The following SGCZ variants were observed in gnomAD, a reference collection of about 807,000 sequenced individuals.
SGCZ encodes sarcoglycan zeta, also known as zeta-sarcoglycan.
Under a neutral mutation model 41.3 loss-of-function variants are expected in SGCZ, and 40 were observed. The ratio of observed to expected loss-of-function variants is 0.97; its 90% CI spans 0.75 to 1.26. The LOEUF (loss-of-function observed/expected upper bound fraction) is 1.26. Among genes scored for constraint, SGCZ ranks in the 50% most tolerant of loss-of-function variants. The pLI is 0.00. For missense variants in SGCZ, 552 were observed against 369.8 expected, an observed-to-expected ratio of 1.49 and a Z score of -4.04; for synonymous variants, 206 against 137.5, an observed-to-expected ratio of 1.50 and a Z score of -3.49.
chr8:14,752,557 G>C (rs1455387798), intron 1 of SGCZ, among the ~76,000 whole-genome samples: 1 of 152,100 alleles, frequency 6.6e-6, no homozygotes, highest in African/African-American at 2.4e-5. Flanking sequence ...CTCTGTGACA[G>C]TACGCACTCT....
At chr8:14,296,187 C>A (rs141000094) in intron 3 of SGCZ, among the ~76,000 whole-genome samples, 98 of 152,216 alleles carry the variant, frequency 6.4e-4, no homozygotes, top group African/African-American at 2.3e-3. Flanking sequence ...GACTAACGTC[C>A]TGCAAAAACC....
intron 1 of SGCZ, among the ~76,000 whole-genome samples, chr8:14,734,979 G>C (rs906535169): frequency 2.0e-5 from 3 of 152,262 alleles, no homozygotes; most frequent in African/African-American, 7.2e-5. Context: ...TATCTATGTA[G>C]TGGAGTCTCA....
At chr8:14,892,025 G>A (rs1049982106) in intron 1 of SGCZ, among the ~76,000 whole-genome samples, 3 of 152,118 alleles carry the variant, frequency 2.0e-5, no homozygotes, top group Non-Finnish European at 2.9e-5. Context: ...CAACAAATTC[G>A]GGTGACTTGC....
chr8:14,828,847 A>G (rs752989178), intron 1 of SGCZ, among the ~76,000 whole-genome samples: 1 of 152,144 alleles, frequency 6.6e-6, no homozygotes, highest in Non-Finnish European at 1.5e-5. Context: ...TACCATAACA[A>G]TGCTTCCACT....
chr8:14,500,598 G>C (rs1374578607), intron 2 of SGCZ, among the ~76,000 whole-genome samples: 1 of 151,968 alleles, frequency 6.6e-6, no homozygotes, highest in African/African-American at 2.4e-5. Context: ...TGTGGGTATA[G>C]CTTACTCACT....
chr8:14,115,175 G>C (rs1299531788), intron 5 of SGCZ, among the ~76,000 whole-genome samples: 1 of 151,826 alleles, frequency 6.6e-6, no homozygotes. Flanking sequence ...TTGTTGTTTT[G>C]CCCTTTACTT....
intron 1 of SGCZ, among the ~76,000 whole-genome samples, chr8:14,823,204 G>A (rs1269115027): frequency 2.6e-5 from 4 of 151,882 alleles, no homozygotes; most frequent in African/African-American, 9.7e-5. Flanking sequence ...CAAAAGCACA[G>A]GTAACAAAAG....
chr8:15,074,925 C>T (rs17120846), intron 1 of SGCZ, among the ~76,000 whole-genome samples: 2,152 of 152,258 alleles, frequency 0.014, 54 homozygotes, highest in African/African-American at 0.046. Flanking sequence ...TGACCCTATC[C>T]CTTACTGCTA....
chr8:14,578,464 G>A (rs551797671), intron 1 of SGCZ, among the ~76,000 whole-genome samples: 1 of 152,212 alleles, frequency 6.6e-6, no homozygotes, highest in African/African-American at 2.4e-5. Flanking sequence ...CACATTTTCT[G>A]TGACCACATG....
intron 1 of SGCZ, among the ~76,000 whole-genome samples, chr8:14,883,806 A>G (rs547336953): frequency 2.0e-4 from 22 of 110,624 alleles, no homozygotes; most frequent in African/African-American, 7.8e-4. Flanking sequence ...TTCCAATAGT[A>G]CCCTTCTTCT....
intron 1 of SGCZ, among the ~76,000 whole-genome samples, chr8:15,169,899 G>C (rs1459996698): frequency 3.3e-5 from 5 of 152,112 alleles, no homozygotes; most frequent in African/African-American, 1.2e-4. Flanking sequence ...TAGGATTTAA[G>C]TATCTTAGTT....
chr8:15,202,732 A>G (rs1180815616), intron 1 of SGCZ, among the ~76,000 whole-genome samples: 5 of 152,212 alleles, frequency 3.3e-5, no homozygotes, highest in Non-Finnish European at 7.3e-5. Context: ...TTCTGAATTG[A>G]TAGTAGGAAC....
chr8:15,074,344 T>G (rs1178113350), intron 1 of SGCZ, among the ~76,000 whole-genome samples: 1 of 152,218 alleles, frequency 6.6e-6, no homozygotes, highest in African/African-American at 2.4e-5. Context: ...CTGGCTGTCG[T>G]GCAGCTGGCA....
At chr8:14,478,328 A>T (rs1201931994) in intron 2 of SGCZ, among the ~76,000 whole-genome samples, 1 of 152,360 alleles carries the variant, frequency 6.6e-6, no homozygotes, top group South Asian at 2.1e-4. Context: ...ACACACTCAG[A>T]TAATGAAATA....
At chr8:14,751,331 G>C (rs1799491930) in intron 1 of SGCZ, among the ~76,000 whole-genome samples, 1 of 152,132 alleles carries the variant, frequency 6.6e-6, no homozygotes, top group African/African-American at 2.4e-5. Flanking sequence ...AATGGAATCA[G>C]TGGTAGGATC....
intron 2 of SGCZ, among the ~76,000 whole-genome samples, chr8:14,344,445 A>G (rs1176516699): frequency 3.9e-5 from 6 of 152,130 alleles, no homozygotes; most frequent in African/African-American, 1.2e-4. Flanking sequence ...ACTATAGAAT[A>G]ACAACAATAA....
intron 7 of SGCZ, among the ~76,000 whole-genome samples, chr8:14,101,501 G>C (rs555427995): frequency 2.0e-5 from 3 of 152,126 alleles, no homozygotes; most frequent in Non-Finnish European, 4.4e-5. Context: ...TGGAAAAATA[G>C]AACATCAATG....
At chr8:14,819,230 T>A (rs1309524719) in intron 1 of SGCZ, among the ~76,000 whole-genome samples, 1 of 152,052 alleles carries the variant, frequency 6.6e-6, no homozygotes, top group East Asian at 1.9e-4. Flanking sequence ...ATCAGAAGAT[T>A]GTGTAGCAGA....
intron 1 of SGCZ, among the ~76,000 whole-genome samples, chr8:14,702,919 AGG>A (rs1809208775): frequency 7.6e-6 from 1 of 131,776 alleles, no homozygotes; most frequent in African/African-American, 2.8e-5. Context: ...GTAGGTAGTT[AGG>A]TAGGTAGATA....
Sources: allele counts gnomAD v4.1 joint callset (sites outside exome capture counted in the v4.1 genomes callset), GRCh38; gene constraint gnomAD v4.1.1; transcripts MANE v1.5; gene names NCBI Gene and HGNC (gene_info 2026-07-23, HGNC 2026-07-21).